Variants in SLA observed in about 807,000 individuals in gnomAD.
The protein encoded by SLA is src-like-adapter.
Under a neutral mutation model 30.3 loss-of-function variants are expected in SLA, and 16 were observed. That is an observed-to-expected ratio of 0.53 (90% CI 0.36 to 0.80). The LOEUF is 0.80. Ranked by LOEUF, SLA falls within the 30% of genes least tolerant of loss-of-function variation. SLA has a pLI of 0.01. For synonymous variants in SLA, 143 were observed against 137.8 expected, an observed-to-expected ratio of 1.04 and a Z score of -0.26; for missense variants, 310 against 345.2, an observed-to-expected ratio of 0.90 and a Z score of 0.81.
intron 1 of SLA, among the ~76,000 whole-genome samples, chr8:133,078,350 G>A (rs1845217074): frequency 6.6e-6 from 1 of 152,214 alleles, no homozygotes; most frequent in African/African-American, 2.4e-5. Context: ...GAGAGGAAGA[G>A]CAGGAGGTGG....
At chr8:133,065,690 G>A (rs1842936277) in intron 2 of SLA, among the ~76,000 whole-genome samples, 1 of 151,998 alleles carries the variant, frequency 6.6e-6, no homozygotes, top group African/African-American at 2.4e-5. Flanking sequence ...TGAACCCAGT[G>A]GGCGGAGGTG....
intron 3 of SLA, among the ~76,000 whole-genome samples, chr8:133,058,251 G>C (rs1841822536): frequency 1.3e-5 from 2 of 152,128 alleles, no homozygotes; most frequent in South Asian, 4.1e-4. Context: ...CAGGGCTGGG[G>C]GTTGAAAAAG....
At chr8:133,093,166 C>A (rs1315193904) in intron 1 of SLA, among the ~76,000 whole-genome samples, 1 of 141,778 alleles carries the variant, frequency 7.1e-6, no homozygotes. Context: ...TAAAGTACAT[C>A]CAATGGTTCT....
At chr8:133,057,685 T>C (rs1841693115) in intron 3 of SLA, among the ~76,000 whole-genome samples, 1 of 152,014 alleles carries the variant, frequency 6.6e-6, no homozygotes, top group Non-Finnish European at 1.5e-5. Context: ...CCTCAAGTCC[T>C]GCTTCCTTTT....
At chr8:133,090,732 C>G (rs1339500223) in intron 1 of SLA, among the ~76,000 whole-genome samples, 1 of 152,208 alleles carries the variant, frequency 6.6e-6, no homozygotes, top group Non-Finnish European at 1.5e-5. Context: ...ATCATAATAT[C>G]TCCATTTTAC....
chr8:133,071,841 T>C (rs1010298376), intron 2 of SLA, among the ~76,000 whole-genome samples: 2 of 152,172 alleles, frequency 1.3e-5, no homozygotes, highest in African/African-American at 2.4e-5. Flanking sequence ...TGCTTACTGC[T>C]CCCAGGGCAA....
chr8:133,060,993 C>T (rs148138540), intron 2 of SLA, among the ~76,000 whole-genome samples: 45 of 152,294 alleles, frequency 3.0e-4, no homozygotes, highest in Middle Eastern at 3.4e-3. Context: ...TAGATGACTT[C>T]GGGCAAGTCA....
intron 1 of SLA, among the ~76,000 whole-genome samples, chr8:133,077,031 G>A (rs1408308787): frequency 6.6e-6 from 1 of 152,152 alleles, no homozygotes; most frequent in East Asian, 1.9e-4. Context: ...TGATGGGACC[G>A]AGGGGCGCAG....
chr8:133,087,260 G>A (rs1363237273), intron 1 of SLA, among the ~76,000 whole-genome samples: 3 of 152,168 alleles, frequency 2.0e-5, no homozygotes, highest in African/African-American at 7.2e-5. Context: ...TTTAAAAATT[G>A]CAGAGGGCTT....
chr8:133,059,823 C>T (rs1039540964), intron 3 of SLA, among the ~76,000 whole-genome samples: 1 of 152,188 alleles, frequency 6.6e-6, no homozygotes, highest in South Asian at 2.1e-4. Flanking sequence ...CTCAGTCTCC[C>T]TATCTGGAAA....
At position 133,077,629 on chromosome 8, in the gene SLA, C is replaced by T. The variant is rs577856548; in HGVS notation, c.-318-2499G>A. On this transcript the variant is annotated intron_variant, in intron 1 of 8. Coordinates refer to ENST00000338087, the MANE Select transcript of SLA (RefSeq NM_001045556.3). The stretch of plus-strand genomic sequence containing the variant: ...ACGGCAGGGCTGAAGCCCGATGCCA[C>T]GCTAGACAGGTGACTCAAATCTTAG... Among the ~76,000 whole-genome samples, 39 of 152,314 alleles carry T rather than the reference C, an allele frequency of 2.6e-4. 1 individual carries two copies. Among genetic ancestry groups the T allele is most frequent in the South Asian group, 1.0e-3 (5 of 4,834 alleles).
intron 3 of SLA, among the ~76,000 whole-genome samples, chr8:133,058,160 C>T (rs1264559125): frequency 6.6e-6 from 1 of 152,228 alleles, no homozygotes; most frequent in African/African-American, 2.4e-5. Context: ...GGCATCACTG[C>T]ACCGCCTTCC....
intron 1 of SLA, among the ~76,000 whole-genome samples, chr8:133,100,881 G>GAAGT (rs1481996112): frequency 6.6e-6 from 1 of 152,202 alleles, no homozygotes; most frequent in African/African-American, 2.4e-5. Context: ...TAGCCTAAGT[G>GAAGT]AAGTAACTCA....
intron 3 of SLA, 75 bp from the exon 4 acceptor site, chr8:133,050,990 G>A: frequency 1.2e-6 from 1 of 822,246 alleles, no homozygotes; most frequent in Non-Finnish European, 2.1e-6. Flanking sequence ...AGGCTTGGGA[G>A]GGAGGGTATG....
chr8:133,087,071 TACACACACAC>T (rs56028043), intron 1 of SLA, among the ~76,000 whole-genome samples: 5,836 of 143,082 alleles, frequency 0.041, 164 homozygotes, highest in Middle Eastern at 0.069. Context: ...AATATATGTT[TACACACACAC>T]ACACACACAC....
At chr8:133,094,646 GC>G (rs1292200418) in intron 1 of SLA, 7 of 303,488 alleles carry the variant, frequency 2.3e-5, no homozygotes, top group Non-Finnish European at 3.9e-5. Flanking sequence ...TAGTTAAGGA[GC>G]CCCCCAGGAG....
At chr8:133,048,501 G>T (rs896070603) in intron 5 of SLA, 1 of 155,480 alleles carries the variant, frequency 6.4e-6, no homozygotes, top group African/African-American at 2.4e-5. Context: ...GATTACAGGC[G>T]TGAGCTACCG....
chr8:133,084,085 C>G (rs1050599082), intron 1 of SLA, among the ~76,000 whole-genome samples: 3 of 152,160 alleles, frequency 2.0e-5, no homozygotes, highest in Non-Finnish European at 1.5e-5. Context: ...ATTGTGTTTT[C>G]TAGGGCAGGC....
rs1273578739 is a variant in SLA, at chr8:133,075,074, A to G, written c.-262T>C. ...GGAACGAGGAAGGCACAGGGCTTGC[A>G]GAAGGGCAGGTTCCTGTTTTCAGTA... On this transcript the variant is annotated 5_prime_UTR_variant, in exon 2 of 9. Transcript: ENST00000338087. 43 of 985,342 alleles carry G rather than the reference A, an allele frequency of 4.4e-5. No homozygotes were observed. Among genetic ancestry groups the G allele is most frequent in the Non-Finnish European group, 1.6e-5 (13 of 829,938 alleles). The allele number at this position is 985,342 out of a possible 1,614,324, so 61.0% of individuals were successfully genotyped here.
Sources: gnomAD v4.1 joint callset for allele counts (sites outside exome capture counted in the v4.1 genomes callset) on GRCh38, gnomAD v4.1.1 for gene constraint, MANE v1.5 for transcripts, NCBI Gene and HGNC (gene_info 2026-07-23, HGNC 2026-07-21) for gene names.